RAB28: variants seen among roughly 807,000 people sequenced by gnomAD.
RAB28 encodes the protein ras-related protein Rab-28.
A neutral mutation model predicts 31.7 loss-of-function variants in RAB28; 24 were observed. The observed-to-expected ratio is 0.76, with a 90% confidence interval of 0.55 to 1.06. The LOEUF is 1.06. RAB28 is among the 50% of genes least tolerant of loss of function. RAB28 has a pLI of 0.00. For synonymous variants in RAB28, 100 were observed against 90.4 expected (o/e 1.11, Z -0.60); for missense variants, 254 against 258.5 (o/e 0.98, Z 0.12).
chr4:13,402,828 G>T (rs1488421000), intron 4 of RAB28, among the ~76,000 whole-genome samples: 1 of 151,752 alleles, frequency 6.6e-6, no homozygotes, highest in African/African-American at 2.4e-5. Context: ...AGGGTCTCAC[G>T]CTGTCTCCCA....
chr4:13,476,202 T>G (rs1420611528), intron 2 of RAB28, among the ~76,000 whole-genome samples: 1 of 151,580 alleles, frequency 6.6e-6, no homozygotes, highest in Admixed American at 6.6e-5. Flanking sequence ...ACTGTAATTT[T>G]AGGAACATGA....
chr4:13,374,970 TGCTCTTCTGTTTCC>T (rs1728861680), intron 6 of RAB28, among the ~76,000 whole-genome samples: 1 of 152,178 alleles, frequency 6.6e-6, no homozygotes, highest in African/African-American at 2.4e-5. Context: ...TTAACCAAAC[TGCTCTTCTGTTTCC>T]AAAATACAAC....
chr4:13,475,686 CCAT>C (rs1716331025), intron 2 of RAB28, among the ~76,000 whole-genome samples: 1 of 147,710 alleles, frequency 6.8e-6, no homozygotes, highest in Non-Finnish European at 1.5e-5. Flanking sequence ...TGTTTTATCA[CCAT>C]CATTACCACA....
intron 4 of RAB28, among the ~76,000 whole-genome samples, chr4:13,390,442 C>T (rs914663603): frequency 7.9e-5 from 12 of 152,110 alleles, no homozygotes; most frequent in African/African-American, 2.7e-4. Flanking sequence ...ATGAATATTC[C>T]ATGCTCAGGG....
Position 13,479,448 on chromosome 4 carries a change from T to C in RAB28, c.154A>G (p.Arg52Gly). 1 of 1,604,520 alleles carries C rather than the reference T, an allele frequency of 6.2e-7. No individual in the cohort carries two copies. Among genetic ancestry groups the C allele is most frequent in the Non-Finnish European group, 8.5e-7 (1 of 1,172,846 alleles). Residue 52 changes from arginine (R) to glycine (G), a missense_variant, in exon 2 of 7, where the codon AGA (arginine) becomes GGA (glycine). Arg to Gly is a moderately radical substitution (Grantham distance 125). Coordinates refer to ENST00000330852, the MANE Select transcript of RAB28 (RefSeq NM_001017979.3). ...CTCTTACCTGGCAATGTTATCCTTC[T>C]CAAAAAGAAATCCAGTCCTATAGTT... ...KQTIGLDFFL[R>G]RITLPGNLNV...
At chr4:13,446,664 C>T (rs1236525334) in intron 4 of RAB28, among the ~76,000 whole-genome samples, 1 of 152,148 alleles carries the variant, frequency 6.6e-6, no homozygotes, top group East Asian at 1.9e-4. Context: ...TCTGCTCGCT[C>T]TCCGTGGGTT....
chr4:13,434,304 G>A (rs556878453), intron 4 of RAB28, among the ~76,000 whole-genome samples: 14 of 152,000 alleles, frequency 9.2e-5, no homozygotes, highest in African/African-American at 1.5e-4. Context: ...ATGTGCCCCC[G>A]CCAAATATAA....
chr4:13,381,657 T>C, intron 4 of RAB28, 63 bp from the exon 5 acceptor site: 5 of 1,186,014 alleles, frequency 4.2e-6, no homozygotes, highest in Non-Finnish European at 6.0e-6. Flanking sequence ...GTTTTTAACA[T>C]GTTTAAATTT....
intron 4 of RAB28, among the ~76,000 whole-genome samples, chr4:13,407,394 G>A (rs894031999): frequency 6.6e-6 from 1 of 152,202 alleles, no homozygotes; most frequent in Non-Finnish European, 1.5e-5. Flanking sequence ...GTACCACATT[G>A]TTTTGGTTAC....
At chr4:13,386,795 G>A (rs987148132) in intron 4 of RAB28, among the ~76,000 whole-genome samples, 2 of 152,070 alleles carry the variant, frequency 1.3e-5, no homozygotes, top group African/African-American at 2.4e-5. Flanking sequence ...ACACTTGCAA[G>A]TGTATGTCCC....
intron 4 of RAB28, among the ~76,000 whole-genome samples, chr4:13,452,257 T>A (rs1715010562): frequency 6.6e-6 from 1 of 152,022 alleles, no homozygotes. Flanking sequence ...GTTTGTTTTT[T>A]TAGTATCAGT....
intron 4 of RAB28, among the ~76,000 whole-genome samples, chr4:13,454,598 C>G (rs191226242): frequency 2.0e-5 from 3 of 152,226 alleles, no homozygotes; most frequent in East Asian, 1.9e-4. Flanking sequence ...AGTTGTAATC[C>G]ACATTCATGA....
In RAB28 at chr4:13,484,182, G is replaced by A. The variant is rs1049552537; in HGVS notation, c.-32C>T. On this transcript the variant is annotated 5_prime_UTR_variant, in exon 1 of 7. Coordinates refer to ENST00000330852, the MANE Select transcript of RAB28 (RefSeq NM_001017979.3). ...CCGGGAACCAGGCCCGCCCCTCGAGGTGGGGGGGGAAGGGAAGGATGAAGG... is the reference window on the plus strand; with the variant it reads ...CCGGGAACCAGGCCCGCCCCTCGAGATGGGGGGGGAAGGGAAGGATGAAGG... 6.4e-7 allele frequency: 1 copy of A among 1,550,920 alleles called. No homozygotes were observed.
chr4:13,429,914 C>G (rs7673755), intron 4 of RAB28, among the ~76,000 whole-genome samples: 1 of 152,050 alleles, frequency 6.6e-6, no homozygotes. Flanking sequence ...TCTAATAAAT[C>G]TTAAAACTGA....
At chr4:13,425,391 G>T (rs1023992673) in intron 4 of RAB28, among the ~76,000 whole-genome samples, 1 of 152,130 alleles carries the variant, frequency 6.6e-6, no homozygotes, top group Non-Finnish European at 1.5e-5. Flanking sequence ...ATTAAAGACT[G>T]AATTCCATGT....
At chr4:13,408,277 T>G (rs1425799831) in intron 4 of RAB28, among the ~76,000 whole-genome samples, 3 of 152,160 alleles carry the variant, frequency 2.0e-5, no homozygotes, top group Non-Finnish European at 2.9e-5. Context: ...AATCATGTGG[T>G]TTTTGTCATT....
At chr4:13,437,863 A>G (rs1714209255) in intron 4 of RAB28, among the ~76,000 whole-genome samples, 1 of 152,182 alleles carries the variant, frequency 6.6e-6, no homozygotes, top group Non-Finnish European at 1.5e-5. Context: ...ACACAAAGGA[A>G]AATAATTCAT....
intron 2 of RAB28, among the ~76,000 whole-genome samples, chr4:13,477,670 T>A (rs1407566564): frequency 6.6e-6 from 1 of 151,362 alleles, no homozygotes; most frequent in African/African-American, 2.4e-5. Context: ...GAAGTTTTTT[T>A]CTGGAACTTT....
At chr4:13,418,636 C>A (rs1171926253) in intron 4 of RAB28, among the ~76,000 whole-genome samples, 2 of 152,182 alleles carry the variant, frequency 1.3e-5, no homozygotes, top group Non-Finnish European at 2.9e-5. Flanking sequence ...CCCAGAATTT[C>A]ATATCCAGCC....
Sources: gnomAD v4.1 joint callset for allele counts (sites outside exome capture counted in the v4.1 genomes callset) on GRCh38, gnomAD v4.1.1 for gene constraint, MANE v1.5 for transcripts, NCBI Gene and HGNC (gene_info 2026-07-23, HGNC 2026-07-21) for gene names.